Variants in FUCA1 observed in about 807,000 individuals in gnomAD.
FUCA1 encodes alpha-L-fucosidase 1.
Under a neutral mutation model 56.8 loss-of-function variants are expected in FUCA1, and 52 were observed. The observed-to-expected ratio is 0.92, with a 90% CI of 0.73 to 1.15. The LOEUF (loss-of-function observed/expected upper bound fraction) is 1.15. FUCA1 is among the 50% of genes most tolerant of loss of function. FUCA1 has a pLI of 0.00. For missense variants in FUCA1, 568 were observed against 592.6 expected (o/e 0.96, Z 0.43); for synonymous variants, 230 against 226.6 (o/e 1.02, Z -0.14).
chr1:23,857,472 A>C (rs902170747), intron 4 of FUCA1, among the ~76,000 whole-genome samples: 1 of 152,132 alleles, frequency 6.6e-6, no homozygotes, highest in Non-Finnish European at 1.5e-5. Context: ...GGGAGGTCAC[A>C]AACATTCATC....
rs781230182 is a variant in FUCA1 at position 23,865,622 on chromosome 1, A to G, written c.393T>C (p.Tyr131=). ...CGTGATGCTTTGTCGTCAAAACTAC[A>G]TACCTGTGGACAGCAAAACCACATG... is the stretch of plus-strand genomic sequence containing the variant. ...ADLFQAAGAK[Y]VVLTTKHHEG... is the part of the protein sequence containing the mutation. Residue 131 remains tyrosine, a synonymous_variant, in exon 2 of 8, where the codon TAT becomes TAC. Coordinates refer to ENST00000374479, the MANE Select transcript of FUCA1 (RefSeq NM_000147.5). 1.2e-6 allele frequency: 2 copies of G among 1,614,234 alleles called. No individual in the cohort carries two copies. The highest frequency in any genetic ancestry group is 2.2e-5 in the East Asian group (1 of 44,886).
chr1:23,861,034 G>GTGCAC (rs2148446646), intron 3 of FUCA1, among the ~76,000 whole-genome samples: 1 of 151,798 alleles, frequency 6.6e-6, no homozygotes, highest in Admixed American at 6.6e-5. Flanking sequence ...TTAAGAATGG[G>GTGCAC]TGCAGCTGGC....
At chr1:23,866,133 G>C (rs1401679051) in intron 1 of FUCA1, among the ~76,000 whole-genome samples, 1 of 152,110 alleles carries the variant, frequency 6.6e-6, no homozygotes, top group South Asian at 2.1e-4. Context: ...CCAATGAGGC[G>C]AAAACCCATC....
intron 5 of FUCA1, among the ~76,000 whole-genome samples, chr1:23,852,681 T>C (rs1639289129): frequency 6.6e-6 from 1 of 152,086 alleles, no homozygotes; most frequent in African/African-American, 2.4e-5. Context: ...TTTCGCTGTG[T>C]TGGCCGGGCT....
At chr1:23,856,273 C>G (rs1002136918) in intron 4 of FUCA1, among the ~76,000 whole-genome samples, 1 of 152,132 alleles carries the variant, frequency 6.6e-6, no homozygotes, top group East Asian at 1.9e-4. Flanking sequence ...CCTTGCCACA[C>G]CTCCTCTTTC....
chr1:23,858,402 T>G (rs772235239), intron 4 of FUCA1, among the ~76,000 whole-genome samples: 3 of 152,172 alleles, frequency 2.0e-5, no homozygotes, highest in Admixed American at 6.6e-5. Context: ...CCAAGGTACC[T>G]CAGTACAAAC....
intron 5 of FUCA1, among the ~76,000 whole-genome samples, 192 bp downstream of exon 5, chr1:23,854,168 T>C (rs1450071692): frequency 6.6e-6 from 1 of 151,990 alleles, no homozygotes; most frequent in African/African-American, 2.4e-5. Flanking sequence ...CCCTTTTGCA[T>C]GCCCTTCTCC....
At chr1:23,853,950 T>C (rs1171779919) in intron 5 of FUCA1, among the ~76,000 whole-genome samples, 1 of 150,044 alleles carries the variant, frequency 6.7e-6, no homozygotes, top group African/African-American at 2.4e-5. Flanking sequence ...GTCCTCTGCA[T>C]AGGAAAACCA....
intron 5 of FUCA1, among the ~76,000 whole-genome samples, chr1:23,849,069 C>T (rs2148438954): frequency 6.6e-6 from 1 of 152,174 alleles, no homozygotes; most frequent in Admixed American, 6.5e-5. Flanking sequence ...CTGCAACCTC[C>T]ACCTCCCTGT....
Position 23,864,379 on chromosome 1 carries a change from C to T in FUCA1, c.525-1108G>A, listed in dbSNP as rs557686329. Reference sequence around the variant, plus strand: ...CTGGGATTACAGGCGTAAGTCACCACGCCTGGCCAAACTAATAGTTCTTAA... The same window carrying T: ...CTGGGATTACAGGCGTAAGTCACCATGCCTGGCCAAACTAATAGTTCTTAA... On this transcript the variant is annotated intron_variant, in intron 2 of 7. Transcript: ENST00000374479. 1.5e-3 allele frequency among the ~76,000 whole-genome samples: 227 copies of T among 152,230 alleles called. 3 individuals carry two copies. In the South Asian group the frequency reaches 0.044, roughly 30 times the overall value.
chr1:23,861,793 G>C (rs114171154), intron 3 of FUCA1, among the ~76,000 whole-genome samples: 1,623 of 152,290 alleles, frequency 0.011, 38 homozygotes, highest in African/African-American at 0.038. Context: ...AGTAACAGGA[G>C]GTGGAACTCA....
At chr1:23,856,075 T>G (rs1021121330) in intron 4 of FUCA1, among the ~76,000 whole-genome samples, 3 of 152,192 alleles carry the variant, frequency 2.0e-5, no homozygotes, top group African/African-American at 7.2e-5. Context: ...CACCACCTAG[T>G]AGTCAAGGGG....
chr1:23,866,932 T>A (rs1010762154), intron 1 of FUCA1, among the ~76,000 whole-genome samples: 1 of 152,196 alleles, frequency 6.6e-6, no homozygotes, highest in Admixed American at 6.5e-5. Context: ...CCCATACATT[T>A]AATGGCAAAC....
At chr1:23,866,747 C>A (rs1231107742) in intron 1 of FUCA1, among the ~76,000 whole-genome samples, 1 of 152,194 alleles carries the variant, frequency 6.6e-6, no homozygotes, top group Non-Finnish European at 1.5e-5. Flanking sequence ...CGTCATGAGA[C>A]CTGGAGTCTA....
At chr1:23,862,769 T>C (rs1318567962) in intron 3 of FUCA1, among the ~76,000 whole-genome samples, 2 of 152,170 alleles carry the variant, frequency 1.3e-5, no homozygotes, top group South Asian at 2.1e-4. Context: ...GAGTGTTCTG[T>C]TTAAGGCATG....
At chr1:23,861,258 G>A (rs1453033391) in intron 3 of FUCA1, among the ~76,000 whole-genome samples, 1 of 144,188 alleles carries the variant, frequency 6.9e-6, no homozygotes, top group African/African-American at 2.6e-5. Context: ...GGGAGGCGGA[G>A]CTTGCAGTGA....
intron 5 of FUCA1, among the ~76,000 whole-genome samples, chr1:23,850,947 A>T (rs2148440064): frequency 6.6e-6 from 1 of 151,800 alleles, no homozygotes; most frequent in African/African-American, 2.4e-5. Context: ...CTTTATTAAA[A>T]ATAATAATAA....
In FUCA1 at chr1:23,845,824, T is replaced by TTCAGATCTCC; in HGVS notation, c.1282_1291dup (p.Lys431ArgfsTer11). The TTCAGATCTCC allele has an allele frequency of 6.2e-7, 1 of 1,614,064 alleles. No individual in the cohort carries two copies. Among genetic ancestry groups the TTCAGATCTCC allele is most frequent in the Non-Finnish European group, 8.5e-7 (1 of 1,179,932 alleles). On this transcript the variant is annotated frameshift_variant, in exon 8 of 8. Coordinates refer to ENST00000374479, the MANE Select transcript of FUCA1 (RefSeq NM_000147.5). LOFTEE classifies it low-confidence loss of function (END_TRUNC). ...ACCTTTATCTGGATCTGTGGACCAC[T>TTCAGATCTCC]TCAGATCTCCTTGAATTCCCAGCAT...
At chr1:23,851,404 A>G (rs1343601870) in intron 5 of FUCA1, among the ~76,000 whole-genome samples, 1 of 151,276 alleles carries the variant, frequency 6.6e-6, no homozygotes, top group Admixed American at 6.6e-5. Context: ...ATACATACAT[A>G]CATACATACA....
Sources: gnomAD v4.1 joint callset for allele counts (sites outside exome capture counted in the v4.1 genomes callset) on GRCh38, gnomAD v4.1.1 for gene constraint, MANE v1.5 for transcripts, NCBI Gene and HGNC (gene_info 2026-07-23, HGNC 2026-07-21) for gene names.